SHANK2: variants seen among roughly 807,000 people sequenced by gnomAD.
SHANK2 encodes the protein SH3 and multiple ankyrin repeat domains protein 2.
SHANK2 carries 43 observed loss-of-function variants against 133.7 expected under a neutral mutation model. The observed-to-expected ratio is 0.32, with a 90% CI of 0.25 to 0.41. The LOEUF (loss-of-function observed/expected upper bound fraction) is 0.41. Among genes scored for constraint, SHANK2 ranks in the 10% least tolerant of loss-of-function variants. The pLI, the probability that SHANK2 is intolerant of heterozygous loss-of-function variation, is 1.00. For synonymous variants in SHANK2, 1,017 were observed against 952.8 expected (o/e 1.07, Z -1.24); for missense variants, 1,994 against 2,235.8 (o/e 0.89, Z 2.18).
chr11:70,802,924 C>G (rs1054237496), intron 13 of SHANK2, among the ~76,000 whole-genome samples: 6 of 152,186 alleles, frequency 3.9e-5, no homozygotes, highest in African/African-American at 1.2e-4. Context: ...CACTGTGTGT[C>G]TGTTAAATAA....
At chr11:70,583,019 G>A (rs559126826) in intron 17 of SHANK2, among the ~76,000 whole-genome samples, 1 of 152,262 alleles carries the variant, frequency 6.6e-6, no homozygotes, top group East Asian at 1.9e-4. Context: ...CTGTGGCTGG[G>A]GGTGCAGCTC....
intron 1 of SHANK2, among the ~76,000 whole-genome samples, chr11:71,232,137 T>C (rs1314262379): frequency 7.9e-5 from 12 of 152,188 alleles, no homozygotes; most frequent in African/African-American, 2.9e-4. Flanking sequence ...GGCTACTTAC[T>C]GTGTGATTCC....
intron 10 of SHANK2, among the ~76,000 whole-genome samples, chr11:70,905,725 G>A (rs1340341169): frequency 6.6e-6 from 1 of 151,998 alleles, no homozygotes; most frequent in Non-Finnish European, 1.5e-5. Context: ...CCATCTGCTG[G>A]CCCTTGATCT....
chr11:70,716,458 C>A (rs562818573), intron 14 of SHANK2, among the ~76,000 whole-genome samples: 1 of 152,280 alleles, frequency 6.6e-6, no homozygotes, highest in African/African-American at 2.4e-5. Context: ...TCAAGGAAAC[C>A]GCCCTGATCG....
intron 17 of SHANK2, among the ~76,000 whole-genome samples, chr11:70,596,436 G>C (rs1432527488): frequency 6.6e-6 from 1 of 152,226 alleles, no homozygotes; most frequent in Non-Finnish European, 1.5e-5. Context: ...AAGGGAAAGA[G>C]CTCTGAGGAC....
At chr11:70,685,328 G>A (rs903050069) in intron 15 of SHANK2, among the ~76,000 whole-genome samples, 1 of 152,050 alleles carries the variant, frequency 6.6e-6, no homozygotes, top group African/African-American at 2.4e-5. Context: ...CACTCATCTT[G>A]GAGGCCTCAG....
chr11:70,729,471 G>GA (rs1555031533), intron 14 of SHANK2, among the ~76,000 whole-genome samples: 1 of 151,912 alleles, frequency 6.6e-6, no homozygotes, highest in East Asian at 1.9e-4. Context: ...AGAGAGAGGT[G>GA]GCTGTTGTAC....
intron 10 of SHANK2, among the ~76,000 whole-genome samples, chr11:70,916,867 T>C (rs1218072263): frequency 6.6e-6 from 1 of 152,200 alleles, no homozygotes; most frequent in African/African-American, 2.4e-5. Context: ...TGTCCTCCTA[T>C]GATAAGCAAA....
At chr11:70,553,431 A>G (rs1412936941) in intron 17 of SHANK2, among the ~76,000 whole-genome samples, 4 of 152,142 alleles carry the variant, frequency 2.6e-5, no homozygotes, top group Non-Finnish European at 5.9e-5. Flanking sequence ...GTCTTCAAAT[A>G]CAGTCACATT....
intron 9 of SHANK2, among the ~76,000 whole-genome samples, chr11:71,057,444 T>C (rs1950933808): frequency 6.6e-6 from 1 of 152,194 alleles, no homozygotes; most frequent in African/African-American, 2.4e-5. Flanking sequence ...AAAGTCTATA[T>C]TATAGAAAAG....
intron 14 of SHANK2, among the ~76,000 whole-genome samples, chr11:70,760,378 T>A (rs782456045): frequency 1.3e-5 from 2 of 152,222 alleles, no homozygotes; most frequent in African/African-American, 2.4e-5. Flanking sequence ...TCTAAATTTA[T>A]AAATCGTGCA....
At chr11:70,942,782 T>G (rs1950665489) in intron 10 of SHANK2, 1 of 456,510 alleles carries the variant, frequency 2.2e-6, no homozygotes, top group African/African-American at 2.0e-5. Context: ...TCCTTAACTC[T>G]GCACCAAGCT....
At chr11:70,729,311 A>G (rs782142612) in intron 14 of SHANK2, among the ~76,000 whole-genome samples, 1 of 151,954 alleles carries the variant, frequency 6.6e-6, no homozygotes, top group African/African-American at 2.4e-5. Flanking sequence ...CAAGGGCTCT[A>G]TCTACACATG....
At chr11:70,574,611 C>T (rs900034987) in intron 17 of SHANK2, among the ~76,000 whole-genome samples, 2 of 152,134 alleles carry the variant, frequency 1.3e-5, no homozygotes, top group African/African-American at 4.8e-5. Flanking sequence ...CTGAAGGGTC[C>T]CCTCCCCTTC....
At chr11:70,521,883 C>T (rs998624136) in intron 17 of SHANK2, among the ~76,000 whole-genome samples, 2 of 152,356 alleles carry the variant, frequency 1.3e-5, no homozygotes, top group Non-Finnish European at 2.9e-5. Flanking sequence ...AAGGCTGTTA[C>T]GCGGCACACA....
intron 11 of SHANK2, among the ~76,000 whole-genome samples, chr11:70,891,791 C>G (rs1189548112): frequency 6.6e-6 from 1 of 152,104 alleles, no homozygotes; most frequent in Non-Finnish European, 1.5e-5. Flanking sequence ...CATGATGGAC[C>G]CTCACCCTGA....
intron 2 of SHANK2, among the ~76,000 whole-genome samples, chr11:71,171,899 G>C (rs1212657456): frequency 2.0e-5 from 3 of 151,462 alleles, no homozygotes; most frequent in African/African-American, 7.3e-5. Context: ...GGGGGTCACG[G>C]CTTCCACGGA....
chr11:71,239,026 T>A (rs1202425900), intron 1 of SHANK2, among the ~76,000 whole-genome samples: 1 of 152,218 alleles, frequency 6.6e-6, no homozygotes, highest in Non-Finnish European at 1.5e-5. Context: ...GGAACCCAAC[T>A]CACGGTTTCA....
chr11:70,728,343 C>T (rs1946215823), intron 14 of SHANK2, among the ~76,000 whole-genome samples: 2 of 152,216 alleles, frequency 1.3e-5, no homozygotes, highest in East Asian at 1.9e-4. Flanking sequence ...CAGCCAGAGG[C>T]CGGATCCGAG....
Sources: gnomAD v4.1 joint callset for allele counts (sites outside exome capture counted in the v4.1 genomes callset) on GRCh38, gnomAD v4.1.1 for gene constraint, MANE v1.5 for transcripts, NCBI Gene and HGNC (gene_info 2026-07-23, HGNC 2026-07-21) for gene names.